GPC6: variants seen among roughly 807,000 people sequenced by gnomAD.
GPC6 encodes the protein glypican-6.
A neutral mutation model predicts 55.2 loss-of-function variants in GPC6; 14 were observed. That is an observed-to-expected ratio of 0.25 (90% CI 0.17 to 0.40). The LOEUF (loss-of-function observed/expected upper bound fraction) is 0.40. Among genes scored for constraint, GPC6 ranks in the 10% least tolerant of loss-of-function variants. GPC6 has a pLI of 1.00. For missense variants in GPC6, 641 were observed against 708.5 expected (o/e 0.90, Z 1.08); for synonymous variants, 278 against 259.6 (o/e 1.07, Z -0.68).
intron 5 of GPC6, 71 bp from the exon 6 acceptor site, chr13:94,305,909 A>T: frequency 1.4e-6 from 2 of 1,429,596 alleles, no homozygotes; most frequent in East Asian, 2.3e-5. Context: ...ATTGCATTGC[A>T]CATTTCTGCT....
At chr13:93,864,959 T>G (rs140282759) in intron 3 of GPC6, among the ~76,000 whole-genome samples, 94 of 151,864 alleles carry the variant, frequency 6.2e-4, no homozygotes, top group African/African-American at 2.2e-3. Flanking sequence ...AATCAAAATA[T>G]AAATTTCAAA....
intron 3 of GPC6, among the ~76,000 whole-genome samples, chr13:93,922,564 A>C (rs975077327): frequency 9.2e-5 from 14 of 152,180 alleles, no homozygotes; most frequent in African/African-American, 3.4e-4. Flanking sequence ...GTTTCTACCC[A>C]CCAGATACCA....
intron 2 of GPC6, among the ~76,000 whole-genome samples, chr13:93,763,695 G>T (rs1399623302): frequency 6.6e-6 from 1 of 152,196 alleles, no homozygotes; most frequent in African/African-American, 2.4e-5. Flanking sequence ...ATATCTGTCA[G>T]CAGAATTTGT....
chr13:94,139,750 ATTC>A (rs946209212), intron 4 of GPC6, among the ~76,000 whole-genome samples: 1 of 152,104 alleles, frequency 6.6e-6, no homozygotes, highest in African/African-American at 2.4e-5. Flanking sequence ...GATGAGGTTC[ATTC>A]TCCTCTGATG....
intron 1 of GPC6, among the ~76,000 whole-genome samples, chr13:93,231,378 T>C (rs1439295213): frequency 0.013 from 256 of 20,040 alleles, 5 homozygotes; most frequent in African/African-American, 0.053. Context: ...TATATATATA[T>C]ACATATATAT....
chr13:93,442,499 C>CTATA, intron 1 of GPC6, among the ~76,000 whole-genome samples: 1 of 152,172 alleles, frequency 6.6e-6, no homozygotes, highest in Admixed American at 6.5e-5. Flanking sequence ...CATCCTTCTA[C>CTATA]CACCTCCCAT....
At chr13:94,119,251 A>G (rs950228816) in intron 4 of GPC6, among the ~76,000 whole-genome samples, 1 of 152,064 alleles carries the variant, frequency 6.6e-6, no homozygotes, top group Non-Finnish European at 1.5e-5. Context: ...TCTGGAGAAA[A>G]AAAAGGGACA....
At chr13:94,135,956 A>G (rs774174117) in intron 4 of GPC6, among the ~76,000 whole-genome samples, 4 of 152,308 alleles carry the variant, frequency 2.6e-5, no homozygotes, top group Non-Finnish European at 5.9e-5. Context: ...TTCCAGGCAG[A>G]AGAATAGCAC....
intron 1 of GPC6, among the ~76,000 whole-genome samples, chr13:93,265,619 C>T (rs1448625957): frequency 6.6e-6 from 1 of 152,086 alleles, no homozygotes; most frequent in South Asian, 2.1e-4. Flanking sequence ...CTGAAAAAAT[C>T]TGAAATTTGA....
rs371637814 is a variant in GPC6 at position 93,494,424 on chromosome 13, C to T, written c.161-50839C>T. Among the ~76,000 whole-genome samples the T allele has an allele frequency of 5.8e-3, 882 of 151,356 alleles. 8 individuals carry two copies. Among genetic ancestry groups the T allele is most frequent in the African/African-American group, 0.02 (838 of 41,170 alleles). ...TTTTGAGCCTATGTGTGTCTCTGCA[C>T]GTGAGATGGGTTTCCTGAATACAGC... On this transcript the variant is annotated intron_variant, in intron 1 of 8. Transcript: ENST00000377047.
At chr13:93,276,197 C>G (rs1384657566) in intron 1 of GPC6, among the ~76,000 whole-genome samples, 1 of 151,990 alleles carries the variant, frequency 6.6e-6, no homozygotes, top group African/African-American at 2.4e-5. Context: ...ATTTTATGTT[C>G]AGTGACCAGG....
At chr13:93,917,402 A>G (rs1877344881) in intron 3 of GPC6, among the ~76,000 whole-genome samples, 1 of 152,220 alleles carries the variant, frequency 6.6e-6, no homozygotes, top group South Asian at 2.1e-4. Context: ...CCTGCCACAC[A>G]CAAAAAAACA....
intron 3 of GPC6, among the ~76,000 whole-genome samples, chr13:94,026,930 G>A (rs1882920737): frequency 6.6e-6 from 1 of 152,106 alleles, no homozygotes; most frequent in African/African-American, 2.4e-5. Context: ...CATGATGTGG[G>A]GATTATGGAA....
intron 1 of GPC6, among the ~76,000 whole-genome samples, chr13:93,472,786 G>A (rs749322924): frequency 9.2e-5 from 14 of 152,190 alleles, no homozygotes; most frequent in Non-Finnish European, 1.3e-4. Flanking sequence ...CAGTAGGTCC[G>A]AGTTCTTCTC....
chr13:94,372,262 C>G (rs148469144), intron 6 of GPC6, among the ~76,000 whole-genome samples: 7,312 of 152,184 alleles, frequency 0.048, 571 homozygotes, highest in African/African-American at 0.16. Context: ...GCGTGAGTGA[C>G]GCAGAAGACG....
At chr13:93,320,591 A>T (rs1463275741) in intron 1 of GPC6, among the ~76,000 whole-genome samples, 1 of 151,600 alleles carries the variant, frequency 6.6e-6, no homozygotes, top group African/African-American at 2.4e-5. Context: ...GCAAATAGTG[A>T]TAACCATCTG....
intron 4 of GPC6, among the ~76,000 whole-genome samples, chr13:94,042,225 A>G (rs559063923): frequency 5.7e-4 from 87 of 151,640 alleles, no homozygotes; most frequent in African/African-American, 2.0e-3. Context: ...GCCTTCCACC[A>G]TGATTGTAAG....
chr13:93,583,423 A>AT (rs11423807), intron 2 of GPC6, among the ~76,000 whole-genome samples: 105,886 of 151,544 alleles, frequency 0.7, 38,566 homozygotes, highest in Non-Finnish European at 0.81. Flanking sequence ...CTTTTATTTT[A>AT]TTTTTTTTCT....
At chr13:93,499,106 C>CACACACAA (rs143267530) in intron 1 of GPC6, among the ~76,000 whole-genome samples, 22,592 of 151,752 alleles carry the variant, frequency 0.15, 2,193 homozygotes, top group Middle Eastern at 0.26. Context: ...CACACACACA[C>CACACACAA]ACACACACAC....
Sources: allele counts gnomAD v4.1 joint callset (sites outside exome capture counted in the v4.1 genomes callset), GRCh38; gene constraint gnomAD v4.1.1; transcripts MANE v1.5; gene names NCBI Gene and HGNC (gene_info 2026-07-23, HGNC 2026-07-21).